CUBN: variants seen among roughly 807,000 people sequenced by gnomAD.
CUBN encodes the protein 460 kDa receptor.
A neutral mutation model predicts 405.3 loss-of-function variants in CUBN; 282 were observed. The observed-to-expected ratio is 0.70, with a 90% confidence interval of 0.63 to 0.77. CUBN has a LOEUF of 0.77. CUBN is among the 30% of genes least tolerant of loss of function. The pLI, the probability that CUBN is intolerant of heterozygous loss-of-function variation, is 0.00. For missense variants in CUBN, 4,514 were observed against 4,475.2 expected (o/e 1.01, Z -0.25); for synonymous variants, 1,684 against 1,617.0 (o/e 1.04, Z -0.99).
intron 14 of CUBN, among the ~76,000 whole-genome samples, chr10:17,088,960 C>T (rs976748601): frequency 1.3e-5 from 2 of 152,182 alleles, no homozygotes; most frequent in Non-Finnish European, 2.9e-5. Flanking sequence ...GGCCCCCTAA[C>T]GTTGCTGACT....
intron 27 of CUBN, among the ~76,000 whole-genome samples, chr10:17,021,083 A>T (rs1387337461): frequency 6.6e-6 from 1 of 152,138 alleles, no homozygotes; most frequent in African/African-American, 2.4e-5. Flanking sequence ...TAATTGTCTT[A>T]ACTTGTGTTA....
chr10:16,886,530 G>A (rs1840819373), intron 56 of CUBN, among the ~76,000 whole-genome samples: 1 of 144,890 alleles, frequency 6.9e-6, no homozygotes, highest in Non-Finnish European at 1.5e-5. Context: ...CTATTTGAAG[G>A]AATTTCCTTT....
At chr10:17,109,321 C>T (rs1371700594) in intron 10 of CUBN, among the ~76,000 whole-genome samples, 2 of 152,264 alleles carry the variant, frequency 1.3e-5, no homozygotes, top group South Asian at 2.1e-4. Context: ...TAAGCAATGG[C>T]CTAGAAATGG....
chr10:16,951,577 C>T (rs963924018), intron 33 of CUBN, among the ~76,000 whole-genome samples: 7 of 152,206 alleles, frequency 4.6e-5, no homozygotes, highest in Admixed American at 1.3e-4. Context: ...ACCCGCTTTG[C>T]AGCCATTCTG....
intron 60 of CUBN, among the ~76,000 whole-genome samples, chr10:16,842,582 C>T (rs1257580504): frequency 6.6e-6 from 1 of 152,158 alleles, no homozygotes; most frequent in African/African-American, 2.4e-5. Flanking sequence ...GCTCCATCTC[C>T]AGGTGATCTC....
chr10:17,087,931 C>A (rs1836160123), intron 15 of CUBN, among the ~76,000 whole-genome samples: 1 of 152,058 alleles, frequency 6.6e-6, no homozygotes, highest in African/African-American at 2.4e-5. Context: ...CCAGGTAACA[C>A]CATAGCAGGG....
At chr10:16,902,308 A>C (rs976035777) in intron 51 of CUBN, among the ~76,000 whole-genome samples, 2 of 142,214 alleles carry the variant, frequency 1.4e-5, no homozygotes, top group African/African-American at 5.2e-5. Flanking sequence ...GTGTATATAT[A>C]GTATATATAT....
At chr10:17,029,122 T>A (rs1240671917) in intron 27 of CUBN, among the ~76,000 whole-genome samples, 2 of 152,216 alleles carry the variant, frequency 1.3e-5, no homozygotes, top group African/African-American at 4.8e-5. Flanking sequence ...TTAGGTTTGA[T>A]TATTATTCAT....
chr10:16,848,483 G>C (rs1450376982), intron 60 of CUBN, among the ~76,000 whole-genome samples: 1 of 152,136 alleles, frequency 6.6e-6, no homozygotes, highest in Admixed American at 6.6e-5. Flanking sequence ...GCCTTTCACA[G>C]TAGGTACTAT....
intron 6 of CUBN, among the ~76,000 whole-genome samples, chr10:17,121,641 AC>A (rs1477256467): frequency 1.3e-5 from 2 of 152,262 alleles, no homozygotes; most frequent in East Asian, 3.9e-4. Flanking sequence ...GCACATGTAT[AC>A]ATAAGTAACA....
chr10:16,941,400 T>C (rs1313296740), intron 36 of CUBN, among the ~76,000 whole-genome samples: 1 of 152,124 alleles, frequency 6.6e-6, no homozygotes, highest in African/African-American at 2.4e-5. Context: ...GCTAGAAACA[T>C]AAAGATCCTA....
chr10:17,065,494 T>A lies in CUBN; in HGVS notation c.3139+14A>T. 6.2e-7 allele frequency: 1 copy of A among 1,612,800 alleles called. No individual in the cohort carries two copies. Among genetic ancestry groups the A allele is most frequent in the Non-Finnish European group, 8.5e-7 (1 of 1,178,994 alleles). On this transcript the variant is annotated intron_variant, in intron 22 of 66. Transcript: ENST00000377833. ...GGAGTCAATAAAACCGAGTATGCAA[T>A]GCTGTTTTGTTACCTGTTGCTGCAC...
chr10:16,931,605 T>C (rs1012835016), intron 40 of CUBN, among the ~76,000 whole-genome samples: 13 of 152,346 alleles, frequency 8.5e-5, no homozygotes, highest in Non-Finnish European at 1.8e-4. Context: ...ATCTAAACTA[T>C]TCCAAATTCA....
At chr10:17,014,826 G>T (rs1225225242) in intron 28 of CUBN, among the ~76,000 whole-genome samples, 1 of 152,188 alleles carries the variant, frequency 6.6e-6, no homozygotes, top group East Asian at 1.9e-4. Flanking sequence ...AACCCTTGGG[G>T]CACAACTATC....
At chr10:16,882,135 C>T (rs530199876) in intron 56 of CUBN, among the ~76,000 whole-genome samples, 1 of 152,270 alleles carries the variant, frequency 6.6e-6, no homozygotes, top group Admixed American at 6.5e-5. Context: ...ATGGATATCA[C>T]AGTTGAGTTT....
chr10:16,960,853 G>A (rs566823403), intron 31 of CUBN, among the ~76,000 whole-genome samples: 279 of 152,090 alleles, frequency 1.8e-3, no homozygotes, highest in Non-Finnish European at 2.7e-3. Flanking sequence ...CCAACCACAG[G>A]GCACAGCCAA....
chr10:17,054,331 CAA>C (rs60899709), intron 22 of CUBN, among the ~76,000 whole-genome samples: 1 of 131,262 alleles, frequency 7.6e-6, no homozygotes. Flanking sequence ...AACTCCGTCT[CAA>C]AAAAAAAAAA....
At chr10:17,079,900 T>C (rs568487985) in intron 17 of CUBN, among the ~76,000 whole-genome samples, 1 of 152,232 alleles carries the variant, frequency 6.6e-6, no homozygotes, top group South Asian at 2.1e-4. Context: ...TCTAAAGACA[T>C]GCAGGAGATG....
At chr10:16,835,494 G>A (rs1471577807) in intron 63 of CUBN, among the ~76,000 whole-genome samples, 10 of 152,214 alleles carry the variant, frequency 6.6e-5, no homozygotes, top group South Asian at 2.1e-4. Context: ...TTCTGATCAC[G>A]TTGAGGTGGA....
Sources: gnomAD v4.1 joint callset for allele counts (sites outside exome capture counted in the v4.1 genomes callset) on GRCh38, gnomAD v4.1.1 for gene constraint, MANE v1.5 for transcripts, NCBI Gene and HGNC (gene_info 2026-07-23, HGNC 2026-07-21) for gene names.